WASL: variants seen among roughly 807,000 people sequenced by gnomAD.
WASL encodes the protein WASP like actin nucleation promoting factor, also known as actin nucleation-promoting factor WASL.
In WASL, 20 loss-of-function variants were observed where a neutral mutation model predicts 55.5. The ratio of observed to expected loss-of-function variants is 0.36; its 90% CI spans 0.25 to 0.52. WASL has a LOEUF of 0.52. WASL is among the 20% of genes least tolerant of loss of function. The probability of loss-of-function intolerance (pLI) is 0.92; values close to 1 mark genes in which losing one functional copy is unlikely to be tolerated. For missense variants in WASL, 504 were observed against 622.5 expected (o/e 0.81, Z 2.03); for synonymous variants, 249 against 217.6 (o/e 1.14, Z -1.27).
chr7:123,748,917 C>A lies in WASL; in HGVS notation c.-183G>T. The A allele has an allele frequency of 3.5e-6, 2 of 578,456 alleles. No homozygotes were observed. Among genetic ancestry groups the A allele is most frequent in the Non-Finnish European group, 3.0e-6 (1 of 332,800 alleles). The allele number at this position is 578,456 out of a possible 1,614,324, so 35.8% of individuals were successfully genotyped here. ...GCAGGCGCTGACGGCGAGCCACCTT[C>A]GCGCCGCGCTGAGAAAGGGAAGCTC... On this transcript the variant is annotated 5_prime_UTR_variant, in exon 1 of 11. Coordinates refer to ENST00000223023, the MANE Select transcript of WASL (RefSeq NM_003941.4).
intron 4 of WASL, among the ~76,000 whole-genome samples, chr7:123,705,462 G>A (rs1803654408): frequency 1.3e-5 from 2 of 152,314 alleles, no homozygotes; most frequent in African/African-American, 4.8e-5. Flanking sequence ...GGTCAGGGAA[G>A]ATGTGTCAGT....
At chr7:123,729,672 TG>T (rs1804107363) in intron 1 of WASL, among the ~76,000 whole-genome samples, 1 of 152,190 alleles carries the variant, frequency 6.6e-6, no homozygotes, top group Non-Finnish European at 1.5e-5. Flanking sequence ...GATACGTATG[TG>T]GGTGTACACA....
intron 5 of WASL, among the ~76,000 whole-genome samples, chr7:123,701,388 TAAGAAGCA>T (rs1803586907): frequency 6.6e-6 from 1 of 152,142 alleles, no homozygotes. Context: ...ATTAATTACA[TAAGAAGCA>T]AAGAAGCCTC....
chr7:123,715,291 G>A (rs1414587155), intron 1 of WASL, among the ~76,000 whole-genome samples: 1 of 152,158 alleles, frequency 6.6e-6, no homozygotes, highest in African/African-American at 2.4e-5. Context: ...TGGAAGTGCT[G>A]CCCTAAAACC....
At chr7:123,747,757 C>T (rs1429457649) in intron 1 of WASL, among the ~76,000 whole-genome samples, 2 of 152,174 alleles carry the variant, frequency 1.3e-5, no homozygotes, top group Non-Finnish European at 2.9e-5. Flanking sequence ...CCTCCCCACC[C>T]CCAGAATTGC....
intron 1 of WASL, among the ~76,000 whole-genome samples, chr7:123,741,832 A>G (rs1207101893): frequency 1.3e-5 from 2 of 152,214 alleles, no homozygotes; most frequent in African/African-American, 4.8e-5. Flanking sequence ...CAGCAAAACA[A>G]ATAGAACCCG....
chr7:123,684,461 CAGAA>C lies in WASL; in HGVS notation c.*54_*57del. 1.9e-6 allele frequency: 1 copy of C among 517,888 alleles called. No homozygotes were observed. Among genetic ancestry groups the C allele is most frequent in the Non-Finnish European group, 3.4e-6 (1 of 298,094 alleles). 32.1% of individuals were successfully genotyped at this position (517,888 alleles called of 1,614,324 possible). A position where few individuals can be genotyped will look rare whatever the true frequency, so the allele number is the denominator to read the frequency against. On this transcript the variant is annotated 3_prime_UTR_variant, in exon 11 of 11. Transcript: ENST00000223023. The stretch of plus-strand genomic sequence containing the variant: ...ATGATAATTTTACAGAATCCACAGA[CAGAA>C]AGTAGTGTTTAGTATTTCACCTTAA...
In WASL at chr7:123,692,727, G is replaced by C. The variant is rs1418423850; in HGVS notation, c.967C>G (p.Pro323Ala). 1 of 1,516,248 alleles carries C rather than the reference G, an allele frequency of 6.6e-7. No homozygotes were observed. The highest frequency in any genetic ancestry group is 8.8e-7 in the Non-Finnish European group (1 of 1,134,768). The allele number at this position is 1,516,248 out of a possible 1,614,324, so 93.9% of individuals were successfully genotyped here. A position where few individuals can be genotyped will look rare whatever the true frequency, so the allele number is the denominator to read the frequency against. The change falls in exon 9 of 11, where the codon CCA becomes GCA. Residue 323 changes from proline (P) to alanine (A), a missense_variant. Transcript: ENST00000223023. Reference protein sequence around the residue: ...PPSRAPTAAPPPPPPSRPSVA... With the variant: ...PPSRAPTAAPAPPPPSRPSVA... Reference sequence around the variant, plus strand: ...CTTGGCCTGGAAGGAGGCGGTGGTGGAGGTGCAGCTGTGGGAGCTCTTGAA... The same window carrying C: ...CTTGGCCTGGAAGGAGGCGGTGGTGCAGGTGCAGCTGTGGGAGCTCTTGAA...
intron 1 of WASL, among the ~76,000 whole-genome samples, chr7:123,718,457 G>A (rs1007030123): frequency 2.0e-5 from 3 of 152,132 alleles, no homozygotes; most frequent in Non-Finnish European, 4.4e-5. Context: ...CTAAAGCCAA[G>A]CAACTTCAAA....
chr7:123,720,417 G>A (rs1305557325), intron 1 of WASL: 3 of 428,132 alleles, frequency 7.0e-6, no homozygotes, highest in East Asian at 1.4e-4. Context: ...TGAATAAAAG[G>A]CAAGATGTAA....
chr7:123,724,824 T>C (rs1445232099), intron 1 of WASL, among the ~76,000 whole-genome samples: 1 of 152,188 alleles, frequency 6.6e-6, no homozygotes, highest in Non-Finnish European at 1.5e-5. Context: ...AACATTTATA[T>C]GACATGGTGA....
intron 1 of WASL, among the ~76,000 whole-genome samples, chr7:123,713,685 A>G (rs1803795645): frequency 6.6e-6 from 1 of 152,200 alleles, no homozygotes. Flanking sequence ...AGATTTAAAT[A>G]CATTCCTAGA....
chr7:123,735,937 C>A (rs556741516), intron 1 of WASL, among the ~76,000 whole-genome samples: 1 of 151,900 alleles, frequency 6.6e-6, no homozygotes, highest in Admixed American at 6.6e-5. Flanking sequence ...TAAAACCCAG[C>A]AAGATAAAGA....
chr7:123,718,871 G>A (rs940489610), intron 1 of WASL, among the ~76,000 whole-genome samples: 3 of 152,134 alleles, frequency 2.0e-5, no homozygotes, highest in African/African-American at 4.8e-5. Context: ...CCACCCACAC[G>A]TTTTGTATTT....
intron 3 of WASL, 64 bp from the exon 4 acceptor site, chr7:123,706,437 A>G: frequency 7.1e-7 from 1 of 1,418,206 alleles, no homozygotes; most frequent in African/African-American, 1.4e-5. Context: ...ATATCATAAA[A>G]ACAATGAGGA....
In WASL at chr7:123,685,147, CT is replaced by C. The variant is rs562270251; in HGVS notation, c.1457-568del. Among the ~76,000 whole-genome samples the C allele has an allele frequency of 2.0e-3, 298 of 152,028 alleles. 4 individuals carry two copies. The highest frequency in any genetic ancestry group is 8.1e-4 in the Non-Finnish European group (55 of 67,904). On this transcript the variant is annotated intron_variant, in intron 10 of 10. Transcript: ENST00000223023. ...TCACATCCTGCTTGGATTATTGCAA[CT>C]CTAGAGTCTATTTGACTCAGAGCAA... is the stretch of plus-strand genomic sequence containing the variant.
At chr7:123,742,121 T>A (rs1319586001) in intron 1 of WASL, among the ~76,000 whole-genome samples, 2 of 152,342 alleles carry the variant, frequency 1.3e-5, no homozygotes, top group East Asian at 3.9e-4. Context: ...CCCAGTCACA[T>A]CTTTTCCTCA....
In WASL at chr7:123,698,968, T is replaced by A. The variant is rs1420764758; in HGVS notation, c.461-2221A>T. Among the ~76,000 whole-genome samples, 5 of 152,198 alleles carry A rather than the reference T, an allele frequency of 3.3e-5. No homozygotes were observed. In the East Asian group the frequency reaches 5.8e-4, roughly 18 times the overall value. On this transcript the variant is annotated intron_variant, in intron 5 of 10. Coordinates refer to ENST00000223023, the MANE Select transcript of WASL (RefSeq NM_003941.4). ...ATTCTTCCCTTTCTGCCCTCTCACT[T>A]CTTATCTTTACCAGTCAGTATCAGC...
intron 1 of WASL, among the ~76,000 whole-genome samples, chr7:123,717,012 A>G (rs750231744): frequency 6.6e-6 from 1 of 152,146 alleles, no homozygotes; most frequent in African/African-American, 2.4e-5. Flanking sequence ...CTAATTTGTC[A>G]TATTTTTGCC....
Sources: gnomAD v4.1 joint callset for allele counts (sites outside exome capture counted in the v4.1 genomes callset) on GRCh38, gnomAD v4.1.1 for gene constraint, MANE v1.5 for transcripts, NCBI Gene and HGNC (gene_info 2026-07-23, HGNC 2026-07-21) for gene names.